Variants in SPMIP7 observed in about 807,000 individuals in gnomAD.
SPMIP7 encodes sperm microtubule inner protein 7.
chr7:50,106,275 C>A, the SPMIP7 span, among the ~76,000 whole-genome samples: 2 of 152,136 alleles, frequency 1.3e-5, no homozygotes, highest in African/African-American at 4.8e-5. Context: ...TTTGAAGAGG[C>A]AACCAAAAGT....
chr7:50,137,060 A>AT, the SPMIP7 span, among the ~76,000 whole-genome samples: 3 of 152,034 alleles, frequency 2.0e-5, no homozygotes, highest in Non-Finnish European at 2.9e-5. Flanking sequence ...CATTCTTATA[A>AT]TTTTTTAAAA....
the SPMIP7 span, among the ~76,000 whole-genome samples, chr7:50,097,340 G>A: frequency 1.2e-3 from 179 of 152,282 alleles, no homozygotes; most frequent in Non-Finnish European, 1.7e-3. Context: ...AAATGCTATA[G>A]GAAGAATACT....
chr7:50,135,527 A>G, the SPMIP7 span, among the ~76,000 whole-genome samples: 5 of 152,178 alleles, frequency 3.3e-5, no homozygotes, highest in Non-Finnish European at 5.9e-5. Context: ...CAAACCTGAG[A>G]TTTTTCACAT....
chr7:50,136,129 C>T, the SPMIP7 span: 1 of 1,551,290 alleles, frequency 6.4e-7, no homozygotes, highest in African/African-American at 1.4e-5. Context: ...AGATTTCAAA[C>T]AAGATCTTTC....
chr7:50,100,441 TA>T, the SPMIP7 span, among the ~76,000 whole-genome samples: 1 of 152,224 alleles, frequency 6.6e-6, no homozygotes, highest in Non-Finnish European at 1.5e-5. Flanking sequence ...ATCAGTTTAT[TA>T]ATTGGGGAGA....
chr7:50,137,590 G>T, the SPMIP7 span, among the ~76,000 whole-genome samples: 5 of 151,948 alleles, frequency 3.3e-5, no homozygotes, highest in African/African-American at 1.2e-4. Flanking sequence ...ATATTGCTAT[G>T]TTCTTCTCCA....
chr7:50,108,518 C>T, the SPMIP7 span, among the ~76,000 whole-genome samples: 1 of 152,112 alleles, frequency 6.6e-6, no homozygotes, highest in African/African-American at 2.4e-5. Flanking sequence ...ACAAGCATGT[C>T]AACTATAGAA....
At chr7:50,096,490 T>C in the SPMIP7 span, 1,273 of 1,551,800 alleles carry the variant, frequency 8.2e-4, 1 homozygote, top group Non-Finnish European at 1.1e-3. Context: ...ATTTTAGTGA[T>C]GTGAAACCTC....
At chr7:50,150,933 T>C in the SPMIP7 span, among the ~76,000 whole-genome samples, 288 of 152,364 alleles carry the variant, frequency 1.9e-3, 1 homozygote, top group South Asian at 8.3e-3. Flanking sequence ...AATGCTGGTG[T>C]ACGTTTGTTT....
At chr7:50,140,417 A>G in the SPMIP7 span, among the ~76,000 whole-genome samples, 1 of 152,202 alleles carries the variant, frequency 6.6e-6, no homozygotes, top group African/African-American at 2.4e-5. Context: ...GGAAAGAAAG[A>G]GAGAAAGAGT....
At chr7:50,119,397 C>T in the SPMIP7 span, among the ~76,000 whole-genome samples, 1 of 152,280 alleles carries the variant, frequency 6.6e-6, no homozygotes, top group Admixed American at 6.5e-5. Flanking sequence ...AAACCTTATC[C>T]TTTTTCCTCT....
At chr7:50,123,337 T>C in the SPMIP7 span, among the ~76,000 whole-genome samples, 1 of 137,958 alleles carries the variant, frequency 7.2e-6, no homozygotes, top group Non-Finnish European at 1.5e-5. Context: ...AAACACCGCA[T>C]ATTCTCACTC....
chr7:50,136,017 A>G, the SPMIP7 span: 4 of 998,940 alleles, frequency 4.0e-6, no homozygotes, highest in Admixed American at 8.0e-5. Context: ...CGTAGAAAGG[A>G]CTGTCAAGGG....
At chr7:50,115,271 A>G in the SPMIP7 span, among the ~76,000 whole-genome samples, 1 of 152,188 alleles carries the variant, frequency 6.6e-6, no homozygotes, top group Non-Finnish European at 1.5e-5. Context: ...CATAAAATGT[A>G]TTTAAAATGT....
the SPMIP7 span, among the ~76,000 whole-genome samples, chr7:50,103,186 T>A: frequency 6.6e-6 from 1 of 151,838 alleles, no homozygotes; most frequent in East Asian, 1.9e-4. Flanking sequence ...TCTCTCATGC[T>A]TCAACATCTC....
the SPMIP7 span, chr7:50,117,406 G>A: frequency 3.0e-6 from 1 of 330,182 alleles, no homozygotes; most frequent in Admixed American, 3.7e-5. Context: ...ACCTTTATTT[G>A]CAAGTCTTGC....
At chr7:50,155,786 C>T in the SPMIP7 span, among the ~76,000 whole-genome samples, 1 of 152,274 alleles carries the variant, frequency 6.6e-6, no homozygotes, top group Admixed American at 6.5e-5. Context: ...TCCTCGCAAT[C>T]CCTCTCAATA....
chr7:50,141,424 T>C, the SPMIP7 span: 1 of 1,257,822 alleles, frequency 8.0e-7, no homozygotes, highest in Non-Finnish European at 1.1e-6. Flanking sequence ...CTTGTTTTAT[T>C]ACTAAGGATG....
chr7:50,113,539 A>T, the SPMIP7 span, among the ~76,000 whole-genome samples: 239 of 152,312 alleles, frequency 1.6e-3, no homozygotes, highest in Non-Finnish European at 2.4e-3. Context: ...AATACATCTG[A>T]AGTAAAAGAT....
Sources: gnomAD v4.1 joint callset for allele counts (sites outside exome capture counted in the v4.1 genomes callset) on GRCh38, gnomAD v4.1.1 for gene constraint, MANE v1.5 for transcripts, NCBI Gene and HGNC (gene_info 2026-07-23, HGNC 2026-07-21) for gene names.